Variants in RBFOX1 observed in about 807,000 individuals in gnomAD.
The protein encoded by RBFOX1 is RNA binding fox-1 homolog 1, also known as RNA binding protein fox-1 homolog 1.
In RBFOX1, 8 loss-of-function variants were observed where a neutral mutation model predicts 57.7. The observed-to-expected ratio is 0.14, with a 90% confidence interval of 0.08 to 0.25. The LOEUF (loss-of-function observed/expected upper bound fraction) is 0.25, where lower values mean the gene tolerates loss of function less well. Among genes scored for constraint, RBFOX1 ranks in the 10% least tolerant of loss-of-function variants. The pLI, the probability that RBFOX1 is intolerant of heterozygous loss-of-function variation, is 1.00. For missense variants in RBFOX1, 611 were observed against 548.5 expected, an observed-to-expected ratio of 1.11 and a Z score of -1.14; for synonymous variants, 326 against 222.4, an observed-to-expected ratio of 1.47 and a Z score of -4.15.
At chr16:5,837,202 G>A (rs2056486325) in intron 3 of RBFOX1, among the ~76,000 whole-genome samples, 1 of 150,990 alleles carries the variant, frequency 6.6e-6, no homozygotes, top group Non-Finnish European at 1.5e-5. Context: ...CTCCTCCCAC[G>A]GAGGCTTTGC....
At chr16:5,756,367 A>G (rs951237038) in intron 3 of RBFOX1, among the ~76,000 whole-genome samples, 1 of 152,092 alleles carries the variant, frequency 6.6e-6, no homozygotes, top group African/African-American at 2.4e-5. Flanking sequence ...AAAACTGGAA[A>G]AGCTACAGAC....
chr16:6,476,834 G>A (rs1023585447), intron 2 of RBFOX1, among the ~76,000 whole-genome samples: 5 of 152,178 alleles, frequency 3.3e-5, no homozygotes, highest in Middle Eastern at 3.2e-3. Flanking sequence ...GAATTGGAGT[G>A]AATCCTTTCA....
chr16:7,709,678 G>C lies in RBFOX1; in HGVS notation c.1071+547G>C, dbSNP rs1407190103. On this transcript the variant is annotated intron_variant, in intron 15 of 15. Transcript: ENST00000550418. The stretch of plus-strand genomic sequence containing the variant: ...CTTTGTGTGTGTACCTAGTACATAA[G>C]AAAGTAGAAGGAATCAGCTGGGTTT... 7 of 1,419,848 alleles carry C rather than the reference G, an allele frequency of 4.9e-6. No homozygotes were observed. The African/African-American group carries it at 9.1e-5, about 19-fold the overall frequency. 88.0% of individuals were successfully genotyped at this position (1,419,848 alleles called of 1,614,324 possible).
chr16:6,271,915 C>T (rs975733898), intron 1 of RBFOX1, among the ~76,000 whole-genome samples: 5 of 152,032 alleles, frequency 3.3e-5, no homozygotes, highest in African/African-American at 1.2e-4. Flanking sequence ...TTCCAGAAAA[C>T]AGGAGAGAAA....
intron 3 of RBFOX1, among the ~76,000 whole-genome samples, chr16:5,745,300 C>T (rs149770425): frequency 0.014 from 2,174 of 152,196 alleles, 59 homozygotes; most frequent in African/African-American, 0.049. Flanking sequence ...GCATAGTATC[C>T]CATGGTGTAT....
intron 4 of RBFOX1, among the ~76,000 whole-genome samples, chr16:7,497,847 C>T (rs953404806): frequency 4.6e-5 from 7 of 152,182 alleles, no homozygotes; most frequent in Non-Finnish European, 7.3e-5. Context: ...TTCAAGAGCC[C>T]TTCTCTGACC....
chr16:6,891,014 C>T (rs11077104), intron 3 of RBFOX1, among the ~76,000 whole-genome samples: 67,363 of 151,884 alleles, frequency 0.44, 15,260 homozygotes, highest in East Asian at 0.65. Context: ...ACACTGTGAA[C>T]GTTTTGAGGA....
At chr16:5,366,300 G>T in intron 1 of RBFOX1, 1 of 361,860 alleles carries the variant, frequency 2.8e-6, no homozygotes, top group Non-Finnish European at 5.3e-6. Context: ...TGACGATTTT[G>T]ATGATGATGA....
At chr16:7,243,707 C>A (rs1038039851) in intron 4 of RBFOX1, among the ~76,000 whole-genome samples, 1 of 152,056 alleles carries the variant, frequency 6.6e-6, no homozygotes, top group Non-Finnish European at 1.5e-5. Flanking sequence ...TCATCACATC[C>A]AGCTAATTTT....
At chr16:6,983,844 C>G (rs2089591969) in intron 3 of RBFOX1, 1 of 152,474 alleles carries the variant, frequency 6.6e-6, no homozygotes, top group Admixed American at 6.5e-5. Flanking sequence ...GGCTGGGAGG[C>G]CCATGCATGC....
At position 6,097,845 on chromosome 16, in the gene RBFOX1, T is replaced by C. The variant is rs1393095404; in HGVS notation, c.-127+77853T>C. Among the ~76,000 whole-genome samples the C allele has an allele frequency of 2.0e-5, 3 of 152,040 alleles. No homozygotes were observed. Among genetic ancestry groups the C allele is most frequent in the Admixed American group, 6.6e-5 (1 of 15,264 alleles). On this transcript the variant is annotated intron_variant, in intron 1 of 15. Coordinates refer to ENST00000550418, the MANE Select transcript of RBFOX1 (RefSeq NM_018723.4). The surrounding 1 kb of genome is among the most constrained non-coding windows in gnomAD (Gnocchi z 5.0). The stretch of plus-strand genomic sequence containing the variant: ...ACTTACTGGTGGAGTGGAAGTCCCT[T>C]GGAAGTGGGGGACGTGTCTGATTTG...
chr16:6,904,599 T>TAAAAAAAAAAAAAA (rs71147623), intron 3 of RBFOX1, among the ~76,000 whole-genome samples: 3 of 64,030 alleles, frequency 4.7e-5, no homozygotes, highest in Admixed American at 2.3e-4. Context: ...AGACTCTCTC[T>TAAAAAAAAAAAAAA]AAAAAAAAAA....
At chr16:6,540,013 A>G (rs2096791195) in intron 2 of RBFOX1, among the ~76,000 whole-genome samples, 1 of 152,150 alleles carries the variant, frequency 6.6e-6, no homozygotes, top group Non-Finnish European at 1.5e-5. Flanking sequence ...TCAGGTATAC[A>G]CAGCAACCCT....
At chr16:6,275,265 C>T (rs2075675505) in intron 1 of RBFOX1, among the ~76,000 whole-genome samples, 1 of 151,622 alleles carries the variant, frequency 6.6e-6, no homozygotes, top group Non-Finnish European at 1.5e-5. Context: ...GAGCCGAGAT[C>T]ATGCCATTGC....
At chr16:6,987,081 G>C (rs759406059) in intron 3 of RBFOX1, among the ~76,000 whole-genome samples, 2 of 152,078 alleles carry the variant, frequency 1.3e-5, no homozygotes, top group African/African-American at 2.4e-5. Context: ...TCATCCAAGC[G>C]ATCTATTAGC....
rs545621153 is a variant in RBFOX1, at chr16:6,402,041, G to T, written c.-64+84984G>T. ...CCAACCGTGATACCTTTGTCTAATG[G>T]TGGGGCCAGGGAGAAGGGTCAGAAG... On this transcript the variant is annotated intron_variant, in intron 2 of 15. Coordinates refer to ENST00000550418, the MANE Select transcript of RBFOX1 (RefSeq NM_018723.4). Among the ~76,000 whole-genome samples the T allele has an allele frequency of 9.9e-5, 15 of 151,710 alleles. No homozygotes were observed. In the East Asian group the frequency reaches 2.3e-3, roughly 24 times the overall value.
intron 3 of RBFOX1, among the ~76,000 whole-genome samples, chr16:6,954,872 A>G (rs573085504): frequency 1.3e-5 from 2 of 152,228 alleles, no homozygotes; most frequent in South Asian, 4.1e-4. Flanking sequence ...TTTTCTATCA[A>G]TTCATGTGTC....
At chr16:6,786,348 T>C (rs1251256143) in intron 3 of RBFOX1, among the ~76,000 whole-genome samples, 2 of 152,092 alleles carry the variant, frequency 1.3e-5, no homozygotes, top group African/African-American at 4.8e-5. Flanking sequence ...ACCCCCACAA[T>C]GAGGAGAGTC....
chr16:6,127,166 G>T (rs953728971), intron 1 of RBFOX1, among the ~76,000 whole-genome samples: 1 of 152,032 alleles, frequency 6.6e-6, no homozygotes, highest in African/African-American at 2.4e-5. Context: ...TGTCAACATG[G>T]GTTGAATGGA....
Sources: allele counts gnomAD v4.1 joint callset (sites outside exome capture counted in the v4.1 genomes callset), GRCh38; gene constraint gnomAD v4.1.1; non-coding constraint Gnocchi (gnomAD v3.1); transcripts MANE v1.5; gene names NCBI Gene and HGNC (gene_info 2026-07-23, HGNC 2026-07-21).